The following KLC4 variants were observed in gnomAD, a reference collection of about 807,000 sequenced individuals.
The protein encoded by KLC4 is kinesin light chain 4.
A neutral mutation model predicts 77.2 loss-of-function variants in KLC4; 49 were observed. The observed-to-expected ratio is 0.63, with a 90% CI of 0.50 to 0.80. KLC4 has a LOEUF of 0.80. Ranked by LOEUF, KLC4 falls within the 30% of genes least tolerant of loss-of-function variation. The pLI is 0.00. For synonymous variants in KLC4, 274 were observed against 314.5 expected (o/e 0.87, Z 1.36); for missense variants, 669 against 793.5 (o/e 0.84, Z 1.89).
At chr6:43,066,904 T>C in intron 5 of KLC4, 92 bp from the exon 6 acceptor site, 1 of 1,534,386 alleles carries the variant, frequency 6.5e-7, no homozygotes, top group South Asian at 1.3e-5. Context: ...AGGTCTCCAA[T>C]CCTTAAATGT....
At chr6:43,068,643 A>G (rs973728299) in intron 6 of KLC4, among the ~76,000 whole-genome samples, 6 of 151,922 alleles carry the variant, frequency 3.9e-5, no homozygotes, top group African/African-American at 1.5e-4. Context: ...CCCCGTCTCT[A>G]CTAAAAAAAA....
At chr6:43,065,315 C>T (rs1765361081) in intron 3 of KLC4, 1 of 262,836 alleles carries the variant, frequency 3.8e-6, no homozygotes, top group South Asian at 5.2e-5. Context: ...CTCAGGTGAT[C>T]TGCCCACCTC....
chr6:43,070,858 A>G lies in KLC4; in HGVS notation c.1148A>G (p.Asn383Ser). ...PDNPNVARTK[N>S]NLASCYLKQG... ...AACCCTAATGTAGCCCGGACCAAGA[A>G]CAACCTGGTATGGGAGGAGGGACAA... Residue 383 changes from asparagine to serine, a missense_variant, in exon 8 of 16, where the codon AAC becomes AGC. Physicochemically the swap from Asn to Ser is conservative, Grantham distance 46. Coordinates refer to ENST00000347162, the MANE Select transcript of KLC4 (RefSeq NM_201521.3). 7.1e-7 allele frequency: 1 copy of G among 1,412,936 alleles called. No homozygotes were observed. The allele number at this position is 1,412,936 out of a possible 1,614,324, so 87.5% of individuals were successfully genotyped here. A position where few individuals can be genotyped will look rare whatever the true frequency, so the allele number is the denominator to read the frequency against.
intron 1 of KLC4, 50 bp from the exon 2 acceptor site, chr6:43,061,261 G>C: frequency 6.4e-7 from 1 of 1,555,364 alleles, no homozygotes; most frequent in Non-Finnish European, 8.7e-7. Context: ...AAGTTGCTCA[G>C]CTTCTCTGTC....
rs769935940 is a variant in KLC4 at position 43,061,525 on chromosome 6, G to T, written c.190G>T (p.Val64Leu). Residue 64 changes from valine (V) to leucine (L), a missense_variant, in exon 2 of 16, where the codon GTG becomes TTG. Coordinates refer to ENST00000347162, the MANE Select transcript of KLC4 (RefSeq NM_201521.3). ...LQQGGHEEGL[V>L]HEKARQLRRS... Reference sequence around the variant, plus strand: ...GCAGGGAGGCCATGAGGAAGGGCTGGTGCATGAGAAGGCCCGGCAGCTTCG... The same window carrying T: ...GCAGGGAGGCCATGAGGAAGGGCTGTTGCATGAGAAGGCCCGGCAGCTTCG... 1 of 1,614,134 alleles carries T rather than the reference G, an allele frequency of 6.2e-7. No homozygotes were observed. Among genetic ancestry groups the T allele is most frequent in the East Asian group, 2.2e-5 (1 of 44,890 alleles).
intron 6 of KLC4, among the ~76,000 whole-genome samples, chr6:43,070,104 AAAAAAAAG>A (rs1372373010): frequency 7.1e-6 from 1 of 140,206 alleles, no homozygotes; most frequent in Admixed American, 6.9e-5. Context: ...ACAAAAAAAA[AAAAAAAAG>A]AAAGAAAAAA....
intron 15 of KLC4, 49 bp from the exon 16 acceptor site, chr6:43,074,573 T>C: frequency 1.3e-6 from 2 of 1,553,192 alleles, no homozygotes; most frequent in Non-Finnish European, 1.8e-6. Context: ...GAGCCAGTCT[T>C]TGGGAGGCCG....
intron 6 of KLC4, 163 bp downstream of exon 6, chr6:43,067,246 A>G (rs1316742647): frequency 1.5e-6 from 2 of 1,322,592 alleles, no homozygotes; most frequent in African/African-American, 3.0e-5. Context: ...AGTGATCCTA[A>G]TGATTCTCAA....
chr6:43,061,155 A>C, intron 1 of KLC4, 156 bp from the exon 2 acceptor site: 1 of 735,390 alleles, frequency 1.4e-6, no homozygotes, highest in Non-Finnish European at 2.2e-6. Flanking sequence ...TTAGTGATCT[A>C]AGCTCCCTGC....
rs1765446461 is a variant in KLC4, at chr6:43,066,596, T to G, written c.791+71T>G. 7.2e-6 allele frequency: 10 copies of G among 1,382,434 alleles called. No homozygotes were observed. The South Asian group carries it at 1.1e-4, about 16-fold the overall frequency. 85.6% of individuals were successfully genotyped at this position (1,382,434 alleles called of 1,614,324 possible). A position where few individuals can be genotyped will look rare whatever the true frequency, so the allele number is the denominator to read the frequency against. ...CACCTTGGTCCTCCTTTGGCTTTCA[T>G]TTTTCCTCTTTACAGGGTACCTCTC... On this transcript the variant is annotated intron_variant, in intron 5 of 15. Coordinates refer to ENST00000347162, the MANE Select transcript of KLC4 (RefSeq NM_201521.3).
chr6:43,061,290 A>C (rs1366496882), intron 1 of KLC4, 21 bp from the exon 2 acceptor site: 24 of 1,600,054 alleles, frequency 1.5e-5, no homozygotes, highest in Non-Finnish European at 2.0e-5. Flanking sequence ...ACACCAGCTG[A>C]ACTCTGTTGT....
At chr6:43,067,557 G>C (rs1014323577) in intron 6 of KLC4, among the ~76,000 whole-genome samples, 1 of 152,120 alleles carries the variant, frequency 6.6e-6, no homozygotes, top group Non-Finnish European at 1.5e-5. Context: ...CACTTTGGGA[G>C]GCTGAGGAGG....
intron 8 of KLC4, 127 bp downstream of exon 8, chr6:43,070,992 T>C: frequency 1.2e-6 from 1 of 864,492 alleles, no homozygotes; most frequent in Admixed American, 2.7e-5. Flanking sequence ...GGCACACTGC[T>C]CTCATCAACT....
chr6:43,073,451 G>A, intron 14 of KLC4, 113 bp downstream of exon 14: 1 of 656,410 alleles, frequency 1.5e-6, no homozygotes, highest in Non-Finnish European at 2.6e-6. Flanking sequence ...AGGAGTTTGA[G>A]ACCAGCCTGG....
At chr6:43,062,800 C>A in intron 2 of KLC4, 117 bp from the exon 3 acceptor site, 1 of 749,590 alleles carries the variant, frequency 1.3e-6, no homozygotes, top group East Asian at 2.7e-5. Context: ...GCTACACCCC[C>A]ACCTTCTGGC....
intron 1 of KLC4, chr6:43,060,752 C>T (rs1199699409): frequency 4.8e-6 from 2 of 414,566 alleles, no homozygotes; most frequent in Non-Finnish European, 6.8e-6. Context: ...CTTAGTTCTG[C>T]AGGTGATGCA....
Position 43,073,942 on chromosome 6 carries a change from C to G in KLC4, c.1786C>G (p.Gln596Glu). 1 of 1,612,478 alleles carries G rather than the reference C, an allele frequency of 6.2e-7. No homozygotes were observed. Among genetic ancestry groups the G allele is most frequent in the Non-Finnish European group, 8.5e-7 (1 of 1,179,186 alleles). ...KRAASLNYLNQPSAAPLQVSR... is the reference protein window; with the variant it reads ...KRAASLNYLNEPSAAPLQVSR... ...AGCAGCCTCCTTGAACTATCTGAACCAACCTAGTGCAGCACCCCTCCAGGT... is the reference window on the plus strand; with the variant it reads ...AGCAGCCTCCTTGAACTATCTGAACGAACCTAGTGCAGCACCCCTCCAGGT... Residue 596 changes from glutamine (Q) to glutamate (E), a missense_variant, in exon 15 of 16, where the codon CAA becomes GAA. Physicochemically the swap from Gln to Glu is conservative, Grantham distance 29. Transcript: ENST00000347162.
At chr6:43,069,613 C>CG (rs1765623048) in intron 6 of KLC4, among the ~76,000 whole-genome samples, 1 of 152,098 alleles carries the variant, frequency 6.6e-6, no homozygotes, top group Non-Finnish European at 1.5e-5. Flanking sequence ...CAACATGGCA[C>CG]GATCTTGGCT....
Position 43,065,848 on chromosome 6 carries a change from C to T in KLC4, c.571+147C>T, listed in dbSNP as rs964450329. On this transcript the variant is annotated intron_variant, in intron 4 of 15. Transcript: ENST00000347162. ...CAGGGCAGGGGCTGGGCTAGTACTT[C>T]GATTTCCTCAGCCTCCCCATTGAAC... is the stretch of plus-strand genomic sequence containing the variant. The T allele has an allele frequency of 4.8e-6, 3 of 621,662 alleles. No individual in the cohort carries two copies. The African/African-American group carries it at 5.5e-5, about 11-fold the overall frequency. The allele number at this position is 621,662 out of a possible 1,614,324, so 38.5% of individuals were successfully genotyped here.
Sources: gnomAD v4.1 joint callset for allele counts (sites outside exome capture counted in the v4.1 genomes callset) on GRCh38, gnomAD v4.1.1 for gene constraint, MANE v1.5 for transcripts, NCBI Gene and HGNC (gene_info 2026-07-23, HGNC 2026-07-21) for gene names.